The following PLXNA4 variants were observed in gnomAD, a reference collection of about 807,000 sequenced individuals.
PLXNA4 encodes plexin A4.
Under a neutral mutation model 191.8 loss-of-function variants are expected in PLXNA4, and 44 were observed. The ratio of observed to expected loss-of-function variants is 0.23; its 90% CI spans 0.18 to 0.29. The LOEUF (loss-of-function observed/expected upper bound fraction) is 0.29, where lower values mean the gene tolerates loss of function less well. Among genes scored for constraint, PLXNA4 ranks in the 10% least tolerant of loss-of-function variants. PLXNA4 has a pLI of 1.00. For missense variants in PLXNA4, 1,800 were observed against 2,488.8 expected (o/e 0.72, Z 5.89); for synonymous variants, 1,082 against 1,009.5 (o/e 1.07, Z -1.36).
In PLXNA4 at chr7:132,198,470, T is replaced by C. The variant is rs1465614235; in HGVS notation, c.2738+15A>G. The C allele has an allele frequency of 1.9e-6, 3 of 1,612,534 alleles. No individual in the cohort carries two copies. The highest frequency in any genetic ancestry group is 1.7e-6 in the Non-Finnish European group (2 of 1,179,192). ...CCTCCCCTGTTCCTCCTGTGTTGCA[T>C]GCAGCTTCACTTACTGTTCTGCAGG... On this transcript the variant is annotated intron_variant, in intron 13 of 31. Transcript: ENST00000321063.
chr7:132,615,372 C>G (rs962083247), intron 2 of PLXNA4, among the ~76,000 whole-genome samples: 4 of 152,156 alleles, frequency 2.6e-5, no homozygotes, highest in African/African-American at 9.7e-5. Flanking sequence ...CCTGGACTGC[C>G]GCCGTGGGGA....
chr7:132,482,883 G>T (rs1281775893), intron 3 of PLXNA4, among the ~76,000 whole-genome samples: 1 of 152,036 alleles, frequency 6.6e-6, no homozygotes, highest in Non-Finnish European at 1.5e-5. Flanking sequence ...AGTAAAGGCA[G>T]GGTTTTACCA....
Position 132,170,087 on chromosome 7 carries a change from A to T in PLXNA4, c.4018-1515T>A, listed in dbSNP as rs976300086. ...ATACAGCAGTAACGAGCCTGGTTTCAGAGTCGGTCATGCTTGGGTTTAATT... is the reference window on the plus strand; with the variant it reads ...ATACAGCAGTAACGAGCCTGGTTTCTGAGTCGGTCATGCTTGGGTTTAATT... On this transcript the variant is annotated intron_variant, in intron 21 of 31. Coordinates refer to ENST00000321063, the MANE Select transcript of PLXNA4 (RefSeq NM_020911.2). 2.6e-5 allele frequency among the ~76,000 whole-genome samples: 4 copies of T among 152,090 alleles called. No individual in the cohort carries two copies. In the South Asian group the frequency reaches 6.2e-4, roughly 24 times the overall value.
chr7:132,365,358 T>TGTGTGCGCGCGC (rs377067193), intron 3 of PLXNA4, among the ~76,000 whole-genome samples: 2 of 133,646 alleles, frequency 1.5e-5, no homozygotes, highest in South Asian at 2.4e-4. Flanking sequence ...TGTGTGTGTG[T>TGTGTGCGCGCGC]GTGCGTGCGC....
intron 1 of PLXNA4, among the ~76,000 whole-genome samples, chr7:132,570,292 C>G (rs934701200): frequency 3.3e-5 from 5 of 152,204 alleles, no homozygotes; most frequent in Admixed American, 2.0e-4. Flanking sequence ...CCAACTGACT[C>G]TAGCAACATT....
rs1794868295 is a variant in PLXNA4, at chr7:132,129,572, A to T, written c.*907T>A. 1.3e-5 allele frequency: 2 copies of T among 152,314 alleles called. No homozygotes were observed. The highest frequency in any genetic ancestry group is 4.8e-5 in the African/African-American group (2 of 41,436). 9.4% of individuals were successfully genotyped at this position (152,314 alleles called of 1,614,324 possible). ...ACTCAGGGCTCTGGTAGTGGACTAGACCTATGACTATGATTGTGACTCATT... is the reference window on the plus strand; with the variant it reads ...ACTCAGGGCTCTGGTAGTGGACTAGTCCTATGACTATGATTGTGACTCATT... On this transcript the variant is annotated 3_prime_UTR_variant, in exon 32 of 32. Transcript: ENST00000321063.
At chr7:132,282,301 A>G (rs1800507082) in intron 4 of PLXNA4, among the ~76,000 whole-genome samples, 2 of 152,132 alleles carry the variant, frequency 1.3e-5, no homozygotes, top group South Asian at 4.1e-4. Flanking sequence ...GGCCAGGTGC[A>G]ATGGCTCACG....
At chr7:132,202,195 T>TG (rs1399287957) in intron 12 of PLXNA4, among the ~76,000 whole-genome samples, 3 of 152,138 alleles carry the variant, frequency 2.0e-5, no homozygotes, top group African/African-American at 7.2e-5. Context: ...GGGCTTGCTT[T>TG]GGGGGAGTTC....
intron 7 of PLXNA4, among the ~76,000 whole-genome samples, chr7:132,226,532 A>T (rs1349038004): frequency 1.3e-5 from 2 of 152,256 alleles, no homozygotes; most frequent in Non-Finnish European, 2.9e-5. Flanking sequence ...GTGCATTTGC[A>T]TGCATGATGT....
At chr7:132,498,780 CAGACCAGAAA>C (rs1208527841) in intron 2 of PLXNA4, among the ~76,000 whole-genome samples, 1 of 152,162 alleles carries the variant, frequency 6.6e-6, no homozygotes, top group African/African-American at 2.4e-5. Flanking sequence ...AGGAGGAGAG[CAGACCAGAAA>C]ACAGGATAGA....
chr7:132,519,102 T>G (rs1480203018), intron 1 of PLXNA4, among the ~76,000 whole-genome samples: 1 of 152,204 alleles, frequency 6.6e-6, no homozygotes, highest in Non-Finnish European at 1.5e-5. Context: ...CACAGCACTC[T>G]CAATAGGATC....
intron 1 of PLXNA4, among the ~76,000 whole-genome samples, chr7:132,536,413 C>A (rs1799834743): frequency 6.6e-6 from 1 of 152,182 alleles, no homozygotes; most frequent in Non-Finnish European, 1.5e-5. Flanking sequence ...AAGCCTACCT[C>A]CACCTCTGCA....
chr7:132,303,248 A>ATT (rs201091759), intron 3 of PLXNA4, among the ~76,000 whole-genome samples: 5 of 129,788 alleles, frequency 3.9e-5, no homozygotes, highest in Non-Finnish European at 6.7e-5. Flanking sequence ...ACAGAAGTTG[A>ATT]TTTTTTTTTT....
At chr7:132,295,634 T>C (rs1032855885) in intron 4 of PLXNA4, among the ~76,000 whole-genome samples, 1 of 152,000 alleles carries the variant, frequency 6.6e-6, no homozygotes, top group Non-Finnish European at 1.5e-5. Flanking sequence ...CAGGCCTGGG[T>C]TCCTGATGCG....
At chr7:132,465,141 G>C (rs1796651578) in intron 3 of PLXNA4, among the ~76,000 whole-genome samples, 1 of 152,022 alleles carries the variant, frequency 6.6e-6, no homozygotes, top group Admixed American at 6.6e-5. Flanking sequence ...CCAACAACTG[G>C]ACACACAGCC....
chr7:132,543,807 C>T (rs4731878), intron 1 of PLXNA4, among the ~76,000 whole-genome samples: 107,737 of 152,150 alleles, frequency 0.71, 40,269 homozygotes, highest in South Asian at 0.89. Flanking sequence ...TGGACACTTA[C>T]GTGCCAAACT....
intron 25 of PLXNA4, among the ~76,000 whole-genome samples, chr7:132,156,299 G>A (rs991005552): frequency 4.6e-5 from 7 of 152,152 alleles, no homozygotes; most frequent in Non-Finnish European, 1.0e-4. Context: ...AGAGGGAGAG[G>A]AGTGGGAGAG....
chr7:132,563,793 T>C (rs372567951), intron 1 of PLXNA4, among the ~76,000 whole-genome samples: 296 of 10,968 alleles, frequency 0.027, no homozygotes, highest in Middle Eastern at 0.1. Context: ...TCCTCCTCCT[T>C]CTCCTCCTCC....
chr7:132,203,134 G>C (rs1325753543), intron 11 of PLXNA4, among the ~76,000 whole-genome samples, 189 bp downstream of exon 11: 4 of 152,164 alleles, frequency 2.6e-5, no homozygotes, highest in African/African-American at 4.8e-5. Context: ...AAGCTCTACA[G>C]AGCCCATGCT....
Sources: gnomAD v4.1 joint callset for allele counts (sites outside exome capture counted in the v4.1 genomes callset) on GRCh38, gnomAD v4.1.1 for gene constraint, MANE v1.5 for transcripts, NCBI Gene and HGNC (gene_info 2026-07-23, HGNC 2026-07-21) for gene names.